EDARADD: variants seen among roughly 807,000 people sequenced by gnomAD.
The protein encoded by EDARADD is EDAR associated via death domain, also known as ectodysplasin-A receptor-associated adapter protein.
A neutral mutation model predicts 25.6 loss-of-function variants in EDARADD; 20 were observed. That is an observed-to-expected ratio of 0.78 (90% CI 0.55 to 1.14). The LOEUF (loss-of-function observed/expected upper bound fraction) is 1.14, where lower values mean the gene tolerates loss of function less well. EDARADD is among the 50% of genes most tolerant of loss of function. The pLI is 0.00. For missense variants in EDARADD, 225 were observed against 270.1 expected, an observed-to-expected ratio of 0.83 and a Z score of 1.17; for synonymous variants, 86 against 94.4, an observed-to-expected ratio of 0.91 and a Z score of 0.52.
At chr1:236,436,165 CTT>C (rs1410339092) in intron 4 of EDARADD, among the ~76,000 whole-genome samples, 2 of 144,774 alleles carry the variant, frequency 1.4e-5, no homozygotes. Context: ...TCTTTCTTTC[CTT>C]TTTTTTTTTA....
At chr1:236,369,847 C>CA (rs1242701829) in intron 3 of EDARADD, among the ~76,000 whole-genome samples, 1 of 134,612 alleles carries the variant, frequency 7.4e-6, no homozygotes, top group African/African-American at 3.0e-5. Context: ...CAATAAAAAC[C>CA]AAAAAAGCAA....
Position 236,405,809 on chromosome 1 carries a change from T to C in EDARADD, c.62-3407T>C, listed in dbSNP as rs533419947. On this transcript the variant is annotated intron_variant, in intron 1 of 5. Transcript: ENST00000334232. Reference sequence around the variant, plus strand: ...TCTTTCTTTTCTTTTTCTTTCTTTCTTTCCTTCCTTCCTTTCCTTCCTTCC... The same window carrying C: ...TCTTTCTTTTCTTTTTCTTTCTTTCCTTCCTTCCTTCCTTTCCTTCCTTCC... Among the ~76,000 whole-genome samples the C allele has an allele frequency of 7.2e-3, 933 of 129,240 alleles. 32 individuals are homozygous for C. Among genetic ancestry groups the C allele is most frequent in the African/African-American group, 0.017 (593 of 33,886 alleles). 84.8% of individuals were successfully genotyped at this position (129,240 alleles called of 152,430 possible). A position where few individuals can be genotyped will look rare whatever the true frequency, so the allele number is the denominator to read the frequency against.
chr1:236,409,105 A>T, intron 1 of EDARADD, 111 bp from the exon 2 acceptor site: 1 of 565,272 alleles, frequency 1.8e-6, no homozygotes, highest in Non-Finnish European at 3.1e-6. Flanking sequence ...GGTTTTCTTC[A>T]GCCTAAGTAA....
chr1:236,452,662 C>T (rs752032679), intron 4 of EDARADD, among the ~76,000 whole-genome samples: 9 of 152,152 alleles, frequency 5.9e-5, no homozygotes, highest in Admixed American at 2.0e-4. Context: ...CAGTTCTTTA[C>T]AGCAGTGTGA....
intron 1 of EDARADD, chr1:236,348,630 C>G (rs1666879511): frequency 6.6e-6 from 1 of 152,216 alleles, no homozygotes; most frequent in African/African-American, 2.4e-5. Flanking sequence ...AGCCTCATAC[C>G]TACAGGCTAT....
Position 236,484,693 on chromosome 1 carries a change from T to G in EDARADD, c.*2044T>G, listed in dbSNP as rs1571965874. ...ACTGCACACCAGTCTGGAGACAGAG[T>G]GAGAGTCCGTCCCAGAAAAAAAAAA... On this transcript the variant is annotated 3_prime_UTR_variant, in exon 6 of 6. Transcript: ENST00000334232. The surrounding 1 kb of genome is among the most constrained non-coding windows in gnomAD (Gnocchi z 4.1). 27 of 285,136 alleles carry G rather than the reference T, an allele frequency of 9.5e-5. No homozygotes were observed. The highest frequency in any genetic ancestry group is 2.5e-4 in the South Asian group (3 of 12,158). The allele number at this position is 285,136 out of a possible 1,614,324, so 17.7% of individuals were successfully genotyped here. A position where few individuals can be genotyped will look rare whatever the true frequency, so the allele number is the denominator to read the frequency against.
At position 236,483,141 on chromosome 1, in the gene EDARADD, AG is replaced by A; in HGVS notation, c.*493del. On this transcript the variant is annotated 3_prime_UTR_variant, in exon 6 of 6. Transcript: ENST00000334232. ...CCCTCCACTTCTCTCCTAGGCAATGAGACCCAGTGGCTAGAAATTCACCATG... is the reference window on the plus strand; with the variant it reads ...CCCTCCACTTCTCTCCTAGGCAATGAACCCAGTGGCTAGAAATTCACCATG... 1 of 1,453,602 alleles carries A rather than the reference AG, an allele frequency of 6.9e-7. No homozygotes were observed. The highest frequency in any genetic ancestry group is 1.1e-5 in the South Asian group (1 of 87,704). The allele number at this position is 1,453,602 out of a possible 1,614,324, so 90.0% of individuals were successfully genotyped here.
intron 4 of EDARADD, among the ~76,000 whole-genome samples, chr1:236,465,549 T>C (rs1659163954): frequency 6.6e-6 from 1 of 152,182 alleles, no homozygotes; most frequent in Non-Finnish European, 1.5e-5. Context: ...TCTGATTTTT[T>C]TCATAAGAAG....
intron 1 of EDARADD, among the ~76,000 whole-genome samples, chr1:236,406,596 A>G (rs532128806): frequency 6.6e-6 from 1 of 152,278 alleles, no homozygotes; most frequent in South Asian, 2.1e-4. Flanking sequence ...CAACATGGAA[A>G]AGGTATGGTG....
intron 5 of EDARADD, among the ~76,000 whole-genome samples, chr1:236,471,369 G>GGT (rs149214024): frequency 0.062 from 9,408 of 151,128 alleles, 611 homozygotes; most frequent in East Asian, 0.21. Flanking sequence ...TGAATAATGT[G>GGT]GTGTGTGTGT....
At position 236,454,107 on chromosome 1, in the gene EDARADD, G is replaced by A. The variant is rs181058516; in HGVS notation, c.220-14124G>A. ...GTTGCCCAGGCTGGAGTGCAGTGGC[G>A]TGATCTTGGCTCACTGCAACCTCCA... On this transcript the variant is annotated intron_variant, in intron 4 of 5. Transcript: ENST00000334232. Among the ~76,000 whole-genome samples, 593 of 152,070 alleles carry A rather than the reference G, an allele frequency of 3.9e-3. 5 individuals carry two copies. The highest frequency in any genetic ancestry group is 0.014 in the African/African-American group (562 of 41,438).
chr1:236,396,567 T>C (rs372616832), intron 1 of EDARADD, among the ~76,000 whole-genome samples: 1 of 152,160 alleles, frequency 6.6e-6, no homozygotes, highest in South Asian at 2.1e-4. Flanking sequence ...CATCCTTAAA[T>C]TGTGGCTTCA....
chr1:236,365,343 T>C (rs1047385790), intron 3 of EDARADD, among the ~76,000 whole-genome samples: 1 of 152,162 alleles, frequency 6.6e-6, no homozygotes, highest in African/African-American at 2.4e-5. Context: ...TTATCTTTTG[T>C]AGAAACAAGG....
chr1:236,408,898 C>T (rs550635978), intron 1 of EDARADD, among the ~76,000 whole-genome samples: 10 of 151,906 alleles, frequency 6.6e-5, no homozygotes, highest in African/African-American at 1.4e-4. Flanking sequence ...GGATTACAGG[C>T]GCCCACCTAA....
intron 3 of EDARADD, 86 bp downstream of exon 3, chr1:236,414,385 T>A: frequency 3.6e-6 from 4 of 1,098,868 alleles, no homozygotes; most frequent in Non-Finnish European, 5.5e-6. Context: ...TTTCATTATT[T>A]AAAATTGTAA....
At chr1:236,421,304 C>T (rs1420418203) in intron 3 of EDARADD, among the ~76,000 whole-genome samples, 1 of 145,482 alleles carries the variant, frequency 6.9e-6, no homozygotes, top group Non-Finnish European at 1.5e-5. Flanking sequence ...TCCTGGTTGT[C>T]AGGATGTGAT....
chr1:236,430,253 C>T (rs1178882626), intron 4 of EDARADD, among the ~76,000 whole-genome samples: 3 of 152,202 alleles, frequency 2.0e-5, no homozygotes, highest in African/African-American at 4.8e-5. Flanking sequence ...TAATGGGCTT[C>T]TGTGCTTACT....
chr1:236,442,467 AGAG>A (rs537433571), intron 4 of EDARADD, among the ~76,000 whole-genome samples: 4 of 152,192 alleles, frequency 2.6e-5, no homozygotes, highest in Non-Finnish European at 5.9e-5. Flanking sequence ...TCCTAGCTAG[AGAG>A]GAGAAGTCAA....
chr1:236,436,161 T>A (rs1269421981), intron 4 of EDARADD, among the ~76,000 whole-genome samples: 1 of 151,448 alleles, frequency 6.6e-6, no homozygotes, highest in African/African-American at 2.4e-5. Context: ...AATGTCTTTC[T>A]TTCCTTTTTT....
Sources: gnomAD v4.1 joint callset for allele counts (sites outside exome capture counted in the v4.1 genomes callset) on GRCh38, gnomAD v4.1.1 for gene constraint, Gnocchi (gnomAD v3.1) non-coding constraint, MANE v1.5 for transcripts, NCBI Gene and HGNC (gene_info 2026-07-23, HGNC 2026-07-21) for gene names.